The following TLK1 variants were observed in gnomAD, a reference collection of about 807,000 sequenced individuals.
TLK1 encodes serine/threonine-protein kinase tousled-like 1.
A neutral mutation model predicts 105.3 loss-of-function variants in TLK1; 24 were observed. That is an observed-to-expected ratio of 0.23 (90% CI 0.17 to 0.32). The LOEUF (loss-of-function observed/expected upper bound fraction) is 0.32. Among genes scored for constraint, TLK1 ranks in the 10% least tolerant of loss-of-function variants. The pLI is 1.00. For synonymous variants in TLK1, 321 were observed against 310.4 expected (o/e 1.03, Z -0.36); for missense variants, 558 against 910.5 (o/e 0.61, Z 4.98).
At chr2:171,063,293 C>T (rs1449531787) in intron 3 of TLK1, among the ~76,000 whole-genome samples, 1 of 152,042 alleles carries the variant, frequency 6.6e-6, no homozygotes, top group East Asian at 1.9e-4. Flanking sequence ...TTGCAGTGAG[C>T]CAAGATCACA....
chr2:171,027,064 TATAA>T (rs1314196429), intron 12 of TLK1, among the ~76,000 whole-genome samples: 1 of 152,112 alleles, frequency 6.6e-6, no homozygotes, highest in African/African-American at 2.4e-5. Context: ...GCAAATTATA[TATAA>T]TAATTTTCTA....
At chr2:171,214,229 T>C (rs1693672810) in intron 1 of TLK1, among the ~76,000 whole-genome samples, 2 of 152,034 alleles carry the variant, frequency 1.3e-5, no homozygotes, top group African/African-American at 4.8e-5. Context: ...AAGAAAATTC[T>C]GAGCTGGGCA....
chr2:171,010,174 A>C (rs1455743459), intron 14 of TLK1, among the ~76,000 whole-genome samples: 1 of 152,222 alleles, frequency 6.6e-6, no homozygotes, highest in Non-Finnish European at 1.5e-5. Context: ...TGAATTTAGG[A>C]GAACTTAATG....
At chr2:171,094,239 G>T (rs1006349179) in intron 2 of TLK1, among the ~76,000 whole-genome samples, 1 of 152,126 alleles carries the variant, frequency 6.6e-6, no homozygotes, top group African/African-American at 2.4e-5. Flanking sequence ...AGCACTGCTA[G>T]AAATGAAATT....
intron 8 of TLK1, among the ~76,000 whole-genome samples, chr2:171,051,545 C>G (rs539741262): frequency 4.1e-4 from 63 of 152,206 alleles, no homozygotes; most frequent in Non-Finnish European, 8.1e-4. Context: ...TTGATGTGAC[C>G]TTTGAGATAT....
chr2:171,045,656 C>T (rs6722537), intron 11 of TLK1: 50,110 of 151,674 alleles, frequency 0.33, 8,615 homozygotes, highest in African/African-American at 0.37. Context: ...TTATTCTTGT[C>T]CTATTTTCCA....
intron 2 of TLK1, among the ~76,000 whole-genome samples, chr2:171,092,956 C>G (rs1027316392): frequency 6.6e-6 from 1 of 152,058 alleles, no homozygotes; most frequent in African/African-American, 2.4e-5. Context: ...CTGGGCAGTG[C>G]TAAGAACATA....
chr2:171,130,265 G>C (rs539042074), intron 1 of TLK1, among the ~76,000 whole-genome samples: 3 of 152,176 alleles, frequency 2.0e-5, no homozygotes, highest in Non-Finnish European at 2.9e-5. Context: ...AGCTGGGCGT[G>C]GTGGCATGTG....
chr2:171,072,683 A>G (rs1688317287), intron 3 of TLK1, among the ~76,000 whole-genome samples: 2 of 152,116 alleles, frequency 1.3e-5, no homozygotes, highest in East Asian at 1.9e-4. Context: ...CAGGAGAATC[A>G]CTTGAGCTCA....
At chr2:171,088,895 C>T (rs1689099355) in intron 2 of TLK1, among the ~76,000 whole-genome samples, 1 of 152,332 alleles carries the variant, frequency 6.6e-6, no homozygotes, top group Non-Finnish European at 1.5e-5. Flanking sequence ...ATATGGGATA[C>T]ATGAAATAGC....
intron 1 of TLK1, among the ~76,000 whole-genome samples, chr2:171,201,919 ATCT>A (rs1377251751): frequency 6.6e-6 from 1 of 151,816 alleles, no homozygotes. Flanking sequence ...CTATCTATCT[ATCT>A]ATCTATCTAT....
chr2:171,013,832 G>C (rs573929935), intron 13 of TLK1, among the ~76,000 whole-genome samples: 26 of 152,324 alleles, frequency 1.7e-4, no homozygotes, highest in South Asian at 6.2e-4. Context: ...AAGATGAAGT[G>C]TAAACAGAAA....
intron 2 of TLK1, among the ~76,000 whole-genome samples, chr2:171,092,119 C>T (rs1366241240): frequency 5.9e-5 from 9 of 152,038 alleles, no homozygotes; most frequent in Admixed American, 2.0e-4. Flanking sequence ...GCCCTGGTTC[C>T]TGTGCAACTC....
chr2:171,105,062 C>T lies in TLK1; in HGVS notation c.258+12677G>A, dbSNP rs1301085334. 5.8e-4 allele frequency among the ~76,000 whole-genome samples: 88 copies of T among 152,056 alleles called. 1 individual carries two copies. The highest frequency in any genetic ancestry group is 1.5e-5 in the Non-Finnish European group (1 of 68,014). On this transcript the variant is annotated intron_variant, in intron 2 of 20. Coordinates refer to ENST00000431350, the MANE Select transcript of TLK1 (RefSeq NM_012290.5). ...AAACTATGAAACTACTAGAAGAAAC[C>T]TTAGAGGAAACACTTCAGGGCATTG...
intron 1 of TLK1, among the ~76,000 whole-genome samples, chr2:171,123,558 A>G (rs369324703): frequency 3.0e-4 from 46 of 152,334 alleles, no homozygotes; most frequent in African/African-American, 9.6e-4. Context: ...CTGTAATCAC[A>G]ACACTTTGGG....
intron 12 of TLK1, among the ~76,000 whole-genome samples, chr2:171,015,771 A>T (rs974208002): frequency 6.6e-6 from 1 of 151,920 alleles, no homozygotes; most frequent in Non-Finnish European, 1.5e-5. Flanking sequence ...AATACTACTT[A>T]AAAAATGGAT....
At chr2:171,044,543 C>T (rs571946732) in intron 11 of TLK1, among the ~76,000 whole-genome samples, 1 of 152,238 alleles carries the variant, frequency 6.6e-6, no homozygotes, top group South Asian at 2.1e-4. Flanking sequence ...AAGACTGAGA[C>T]AGAAGTATCC....
intron 1 of TLK1, among the ~76,000 whole-genome samples, chr2:171,217,976 G>A (rs1339627262): frequency 1.3e-5 from 2 of 152,124 alleles, no homozygotes; most frequent in Non-Finnish European, 2.9e-5. Context: ...GAGTAAGGCC[G>A]GGCATGGTGG....
At chr2:171,217,427 C>A (rs750999699) in intron 1 of TLK1, among the ~76,000 whole-genome samples, 1 of 152,070 alleles carries the variant, frequency 6.6e-6, no homozygotes, top group Non-Finnish European at 1.5e-5. Context: ...GTTTCTGGAC[C>A]CTCCTGTTCC....
Sources: gnomAD v4.1 joint callset for allele counts (sites outside exome capture counted in the v4.1 genomes callset) on GRCh38, gnomAD v4.1.1 for gene constraint, MANE v1.5 for transcripts, NCBI Gene and HGNC (gene_info 2026-07-23, HGNC 2026-07-21) for gene names.